VWF: variants seen among roughly 807,000 people sequenced by gnomAD.
VWF encodes von Willebrand factor, also known as Factor VIII related antigen.
Under a neutral mutation model 308.6 loss-of-function variants are expected in VWF, and 176 were observed. That is an observed-to-expected ratio of 0.57 (90% confidence interval 0.50 to 0.65). The LOEUF (loss-of-function observed/expected upper bound fraction) is 0.65, where lower values mean the gene tolerates loss of function less well. VWF is among the 30% of genes least tolerant of loss of function. The pLI is 0.00. For missense variants in VWF, 3,146 were observed against 3,648.2 expected, an observed-to-expected ratio of 0.86 and a Z score of 3.55; for synonymous variants, 1,385 against 1,443.4, an observed-to-expected ratio of 0.96 and a Z score of 0.92.
In VWF at chr12:6,103,415, CGT is replaced by C. The variant is rs1209797536; in HGVS notation, c.532+6957_532+6958del. ...GTGTATACACGTGTGTGTATACACA[CGT>C]GTGTGTATACACACGTGTGTATATA... is the stretch of plus-strand genomic sequence containing the variant. On this transcript the variant is annotated intron_variant, in intron 5 of 51. Coordinates refer to ENST00000261405, the MANE Select transcript of VWF (RefSeq NM_000552.5). Among the ~76,000 whole-genome samples, 318 of 112,960 alleles carry C rather than the reference CGT, an allele frequency of 2.8e-3. 38 individuals are homozygous for C. Among genetic ancestry groups the C allele is most frequent in the African/African-American group, 0.018 (288 of 16,350 alleles). The allele number at this position is 112,960 out of a possible 152,430, so 74.1% of individuals were successfully genotyped here.
chr12:6,044,393 G>C lies in VWF; in HGVS notation c.2340C>G (p.Asn780Lys), dbSNP rs143904314. The change falls in exon 18 of 52, where the codon AAC becomes AAG. Residue 780 changes from asparagine to lysine, a missense_variant. By Grantham distance (94) the Asn-to-Lys change is moderately conservative. This residue lies in a region of VWF where 1,304 missense variants were observed against 1,353.0 expected (regional missense o/e 0.96). Transcript: ENST00000261405. ...PMVKLVCPADNLRAEGLECTK... is the reference protein window; with the variant it reads ...PMVKLVCPADKLRAEGLECTK... The stretch of plus-strand genomic sequence containing the variant: ...TACACTCGAGCCCTTCAGCCCGCAG[G>C]TTGTCAGCGGGACACACCAGCTTGA... 1.3e-4 allele frequency: 210 copies of C among 1,614,224 alleles called. No homozygotes were observed. In the African/African-American group the frequency reaches 2.5e-3, roughly 19 times the overall value.
rs1300253081 is a variant in VWF at position 6,052,642 on chromosome 12, T to C, written c.2087A>G (p.Asp696Gly). 5 of 1,614,100 alleles carry C rather than the reference T, an allele frequency of 3.1e-6. No homozygotes were observed. The highest frequency in any genetic ancestry group is 4.2e-6 in the Non-Finnish European group (5 of 1,180,046). ...GCFCPPGLYM[D>G]ERGDCVPKAQ... Reference sequence around the variant, plus strand: ...CTTGGGCACGCAGTCCCCCCTCTCATCCATGTAGAGCCCTGGGGGGCAGAA... The same window carrying C: ...CTTGGGCACGCAGTCCCCCCTCTCACCCATGTAGAGCCCTGGGGGGCAGAA... Residue 696 changes from aspartate (D) to glycine (G), a missense_variant, in exon 16 of 52, where the codon GAT becomes GGT. By Grantham distance (94) the Asp-to-Gly change is moderately conservative (BLOSUM62 -1). This residue lies in a region of VWF where 1,304 missense variants were observed against 1,353.0 expected (regional missense o/e 0.96). Transcript: ENST00000261405.
chr12:6,103,381 T>TATAC (rs1945191950), intron 5 of VWF, among the ~76,000 whole-genome samples: 3 of 130,504 alleles, frequency 2.3e-5, no homozygotes, highest in African/African-American at 9.7e-5. Context: ...TGTGTGTGTA[T>TATAC]ACACGTGTGT....
In VWF at chr12:6,092,618, AGTGTGTGTGTGTGTGTGTGT is replaced by A. The variant is rs752209524; in HGVS notation, c.657+2822_657+2841del. Among the ~76,000 whole-genome samples the A allele has an allele frequency of 2.7e-3, 181 of 66,212 alleles. 1 individual carries two copies. Among genetic ancestry groups the A allele is most frequent in the African/African-American group, 6.9e-3 (84 of 12,174 alleles). 43.4% of individuals were successfully genotyped at this position (66,212 alleles called of 152,430 possible). A position where few individuals can be genotyped will look rare whatever the true frequency, so the allele number is the denominator to read the frequency against. On this transcript the variant is annotated intron_variant, in intron 6 of 51. Coordinates refer to ENST00000261405, the MANE Select transcript of VWF (RefSeq NM_000552.5). ...CCCAGCTAGTTAGTGAGTGAGTGAG[AGTGTGTGTGTGTGTGTGTGT>A]GTGTGTGTGTGTGTGTGTGTGTGTG...
At position 6,011,981 on chromosome 12, in the gene VWF, A is replaced by G. The variant is rs58238683; in HGVS notation, c.5664+106T>C. ...ACCCGCAAAAACAAGATAATAGTAA[A>G]AGGAAGCACTGGACTAAGACCAAAG... On this transcript the variant is annotated intron_variant, in intron 33 of 51. Transcript: ENST00000261405. 0.011 allele frequency: 16,198 copies of G among 1,445,424 alleles called. 1,263 individuals are homozygous for G. The African/African-American group carries it at 0.19, about 17-fold the overall frequency. The allele number at this position is 1,445,424 out of a possible 1,614,324, so 89.5% of individuals were successfully genotyped here.
intron 43 of VWF, among the ~76,000 whole-genome samples, chr12:5,973,873 T>G (rs1943504925): frequency 6.6e-6 from 1 of 152,144 alleles, no homozygotes; most frequent in African/African-American, 2.4e-5. Context: ...CTCAAAGGCT[T>G]GTACAGAGGT....
chr12:6,077,378 G>A (rs765569293), intron 6 of VWF, among the ~76,000 whole-genome samples: 1 of 152,192 alleles, frequency 6.6e-6, no homozygotes, highest in Non-Finnish European at 1.5e-5. Flanking sequence ...CTGCTCAACT[G>A]CAGAAGTGCA....
intron 34 of VWF, among the ~76,000 whole-genome samples, chr12:6,004,009 G>T (rs1304994520): frequency 6.6e-6 from 1 of 151,800 alleles, no homozygotes; most frequent in East Asian, 1.9e-4. Flanking sequence ...TAGAGACGGG[G>T]TTTCACCGTG....
chr12:5,955,893 T>C (rs530839842), intron 47 of VWF, among the ~76,000 whole-genome samples: 1 of 152,310 alleles, frequency 6.6e-6, no homozygotes, highest in East Asian at 1.9e-4. Flanking sequence ...CCTTGAATTT[T>C]AAGACAGATC....
chr12:6,054,865 G>A (rs1252332873), intron 15 of VWF, among the ~76,000 whole-genome samples: 1 of 152,158 alleles, frequency 6.6e-6, no homozygotes, highest in Non-Finnish European at 1.5e-5. Flanking sequence ...TGGGTAGAGG[G>A]GACAGCTGAG....
intron 4 of VWF, 102 bp from the exon 5 acceptor site, chr12:6,110,684 G>T: frequency 7.1e-7 from 1 of 1,400,964 alleles, no homozygotes; most frequent in Non-Finnish European, 1.0e-6. Context: ...TTCAGAACAT[G>T]GTGCAAAGTG....
intron 42 of VWF, among the ~76,000 whole-genome samples, chr12:5,977,726 C>T (rs1049878420): frequency 5.9e-5 from 9 of 151,522 alleles, no homozygotes; most frequent in Non-Finnish European, 1.3e-4. Context: ...CAAAAATTAG[C>T]CGGATGTGGT....
chr12:6,091,918 T>C (rs1412435140), intron 6 of VWF, among the ~76,000 whole-genome samples: 1 of 152,262 alleles, frequency 6.6e-6, no homozygotes, highest in East Asian at 1.9e-4. Context: ...CTCCTATGGC[T>C]TGTTTTCTCA....
chr12:6,090,843 T>C (rs1190511872), intron 6 of VWF, among the ~76,000 whole-genome samples: 2 of 152,154 alleles, frequency 1.3e-5, no homozygotes, highest in Non-Finnish European at 2.9e-5. Flanking sequence ...CCCACACCCT[T>C]AGCACCACGC....
Position 6,063,036 on chromosome 12 carries a change from T to A in VWF, c.1451A>T (p.His484Leu), listed in dbSNP as rs1800378. The A allele has an allele frequency of 4.3e-6, 7 of 1,613,130 alleles. No individual in the cohort carries two copies. In the Middle Eastern group the frequency reaches 4.9e-4, roughly 114 times the overall value. The change falls in exon 13 of 52, where the codon CAT becomes CTT. Residue 484 changes from histidine to leucine, a missense_variant. Physicochemically the swap from His to Leu is moderately conservative, Grantham distance 99 (BLOSUM62 -3). Coordinates refer to ENST00000261405, the MANE Select transcript of VWF (RefSeq NM_000552.5). The surrounding 1 kb of genome is among the most constrained non-coding windows in gnomAD (Gnocchi z 4.9). The stretch of plus-strand genomic sequence containing the variant: ...GAGGCGCACGGAGGCCGTCACTGTA[T>A]GCTGGATGCGGAGGTCACCTGGAAC... Reference protein sequence around the residue: ...PLLKGDLRIQHTVTASVRLSY... With the variant: ...PLLKGDLRIQLTVTASVRLSY...
At chr12:6,109,119 C>T (rs1408161009) in intron 5 of VWF, among the ~76,000 whole-genome samples, 1 of 151,578 alleles carries the variant, frequency 6.6e-6, no homozygotes, top group Non-Finnish European at 1.5e-5. Flanking sequence ...CACAGTAACA[C>T]ACACCTATAA....
chr12:6,103,500 A>G (rs1430075942), intron 5 of VWF, among the ~76,000 whole-genome samples: 3 of 133,886 alleles, frequency 2.2e-5, no homozygotes, highest in African/African-American at 1.1e-4. Flanking sequence ...GTGTATACAC[A>G]CACGTATATA....
intron 40 of VWF, 43 bp downstream of exon 40, chr12:5,985,002 C>CTAGG: frequency 6.2e-7 from 1 of 1,603,902 alleles, no homozygotes; most frequent in East Asian, 2.2e-5. Context: ...CCCCCTGGGG[C>CTAGG]TAGGGTTGGG....
In VWF at chr12:5,990,868, TAAAAAAAAAAAAAAAAAAAAAAA is replaced by T. The variant is rs755717764; in HGVS notation, c.6798+928_6798+950del. ...ATACACTCAATAACTCCCATAGAGC[TAAAAAAAAAAAAAAAAAAAAAAA>T]AAAAAAAAAAAAAAAAATTTTGATG... is the stretch of plus-strand genomic sequence containing the variant. On this transcript the variant is annotated intron_variant, in intron 38 of 51. Coordinates refer to ENST00000261405, the MANE Select transcript of VWF (RefSeq NM_000552.5). Among the ~76,000 whole-genome samples, 166 of 31,460 alleles carry T rather than the reference TAAAAAAAAAAAAAAAAAAAAAAA, an allele frequency of 5.3e-3. 1 individual carries two copies. Among genetic ancestry groups the T allele is most frequent in the Non-Finnish European group, 7.0e-3 (133 of 19,000 alleles). 20.6% of individuals were successfully genotyped at this position (31,460 alleles called of 152,430 possible).
Sources: gnomAD v4.1 joint callset for allele counts (sites outside exome capture counted in the v4.1 genomes callset) on GRCh38, gnomAD v4.1.1 for gene constraint, gnomAD v4.1.1 regional missense constraint, Gnocchi (gnomAD v3.1) non-coding constraint, MANE v1.5 for transcripts, NCBI Gene and HGNC (gene_info 2026-07-23, HGNC 2026-07-21) for gene names.